The following MACROD2 variants were observed in gnomAD, a reference collection of about 807,000 sequenced individuals.
MACROD2 encodes the protein mono-ADP ribosylhydrolase 2.
In MACROD2, 36 loss-of-function variants were observed where a neutral mutation model predicts 70.4. The observed-to-expected ratio is 0.51, with a 90% CI of 0.39 to 0.68. The LOEUF is 0.68. Among genes scored for constraint, MACROD2 ranks in the 30% least tolerant of loss-of-function variants. The probability of loss-of-function intolerance (pLI) is 0.00; values close to 1 mark genes in which losing one functional copy is unlikely to be tolerated. For missense variants in MACROD2, 496 were observed against 538.4 expected, an observed-to-expected ratio of 0.92 and a Z score of 0.78; for synonymous variants, 172 against 178.8, an observed-to-expected ratio of 0.96 and a Z score of 0.30.
chr20:15,812,539 G>T (rs1342268186), intron 8 of MACROD2, among the ~76,000 whole-genome samples: 2 of 151,448 alleles, frequency 1.3e-5, no homozygotes, highest in Non-Finnish European at 2.9e-5. Context: ...ACAGGAAAAG[G>T]GAATCCAGTT....
At chr20:14,317,461 A>G (rs1001985495) in intron 3 of MACROD2, among the ~76,000 whole-genome samples, 5 of 151,976 alleles carry the variant, frequency 3.3e-5, no homozygotes, top group Non-Finnish European at 7.4e-5. Context: ...CTAAAAACAC[A>G]AAAAATTAGC....
chr20:14,654,414 T>G (rs1985860936), intron 4 of MACROD2, among the ~76,000 whole-genome samples: 1 of 151,584 alleles, frequency 6.6e-6, no homozygotes, highest in African/African-American at 2.4e-5. Flanking sequence ...GGTATGGTGG[T>G]GGGTGCCTGT....
At chr20:14,181,080 T>G (rs184732070) in intron 3 of MACROD2, among the ~76,000 whole-genome samples, 1 of 151,920 alleles carries the variant, frequency 6.6e-6, no homozygotes. Flanking sequence ...TTTTTTTTTT[T>G]TTTTAGACAG....
intron 7 of MACROD2, among the ~76,000 whole-genome samples, chr20:15,440,244 GACGTGGCATATGTAGAGAGGAAGGAATT>G (rs1473952275): frequency 1.3e-5 from 2 of 152,192 alleles, no homozygotes; most frequent in Admixed American, 6.5e-5. Flanking sequence ...TTCCAGGTAT[GACGTGGCATATGTAGAGAGGAAGGAATT>G]TCAGACATTG....
chr20:14,725,717 G>A (rs2071521293), intron 5 of MACROD2, among the ~76,000 whole-genome samples: 1 of 152,090 alleles, frequency 6.6e-6, no homozygotes, highest in African/African-American at 2.4e-5. Flanking sequence ...TGACCGCTGG[G>A]AAACAATATA....
At chr20:15,304,838 TA>T (rs1462480227) in intron 6 of MACROD2, among the ~76,000 whole-genome samples, 1 of 152,224 alleles carries the variant, frequency 6.6e-6, no homozygotes, top group African/African-American at 2.4e-5. Context: ...GCATCAGGAA[TA>T]AAAACTTCCA....
intron 3 of MACROD2, among the ~76,000 whole-genome samples, chr20:14,403,838 C>A (rs978084750): frequency 7.9e-5 from 12 of 152,000 alleles, no homozygotes; most frequent in Non-Finnish European, 1.8e-4. Context: ...AAAGCTCTAG[C>A]AAATATGAGC....
chr20:14,538,350 C>T (rs1568660121), intron 4 of MACROD2, among the ~76,000 whole-genome samples: 1 of 152,192 alleles, frequency 6.6e-6, no homozygotes, highest in South Asian at 2.1e-4. Context: ...AAGGCTGGAG[C>T]AATGGAGGAG....
chr20:15,996,803 CTA>C lies in MACROD2; in HGVS notation c.1153+9647_1153+9648del, dbSNP rs1469021535. ...AAGACCAACATTGAGAAGTTTTTTCCTATGTCTTTTATGTGAGTTTTATGGTT... is the reference window on the plus strand; with the variant it reads ...AAGACCAACATTGAGAAGTTTTTTCCTGTCTTTTATGTGAGTTTTATGGTT... On this transcript the variant is annotated intron_variant, in intron 15 of 17. Transcript: ENST00000684519. Among the ~76,000 whole-genome samples, 4 of 152,054 alleles carry C rather than the reference CTA, an allele frequency of 2.6e-5. No homozygotes were observed. In the South Asian group the frequency reaches 6.2e-4, roughly 24 times the overall value.
In MACROD2 at chr20:15,574,642, G is replaced by C. The variant is rs541359070; in HGVS notation, c.645+74795G>C. ...GCCTCAGGGCAATCCAAATCATACA[G>C]GGCTTGGACTTCATTGCATCAATTC... is the stretch of plus-strand genomic sequence containing the variant. On this transcript the variant is annotated intron_variant, in intron 8 of 17. Transcript: ENST00000684519. Among the ~76,000 whole-genome samples, 28 of 152,184 alleles carry C rather than the reference G, an allele frequency of 1.8e-4. No homozygotes were observed. In the East Asian group the frequency reaches 5.2e-3, roughly 28 times the overall value.
chr20:15,256,119 A>T (rs1371665982), intron 6 of MACROD2, among the ~76,000 whole-genome samples: 1 of 152,138 alleles, frequency 6.6e-6, no homozygotes, highest in African/African-American at 2.4e-5. Flanking sequence ...GGAATCTTGA[A>T]TTTATAAATC....
Position 14,882,056 on chromosome 20 carries a change from C to G in MACROD2, c.418+197097C>G, listed in dbSNP as rs142321808. On this transcript the variant is annotated intron_variant, in intron 5 of 17. Coordinates refer to ENST00000684519, the MANE Select transcript of MACROD2 (RefSeq NM_001351661.2). ...GCACAGAAATGTCAAGTCACATGAA[C>G]AAATCCCTACAGGAACCATCTTTAA... 4.1e-4 allele frequency among the ~76,000 whole-genome samples: 62 copies of G among 152,284 alleles called. No individual in the cohort carries two copies. In the East Asian group the frequency reaches 0.011, roughly 26 times the overall value.
intron 5 of MACROD2, among the ~76,000 whole-genome samples, chr20:14,830,969 C>T (rs903732707): frequency 1.3e-5 from 2 of 152,062 alleles, no homozygotes; most frequent in African/African-American, 4.8e-5. Flanking sequence ...TAGTTCAAAT[C>T]GTTTTCTCTT....
intron 8 of MACROD2, among the ~76,000 whole-genome samples, chr20:15,646,623 A>T (rs2049548336): frequency 6.6e-6 from 1 of 152,142 alleles, no homozygotes; most frequent in Non-Finnish European, 1.5e-5. Flanking sequence ...GTATCGAGGG[A>T]GAGACCAGGT....
intron 8 of MACROD2, among the ~76,000 whole-genome samples, chr20:15,842,407 T>G (rs2064180986): frequency 6.6e-6 from 1 of 151,726 alleles, no homozygotes; most frequent in Admixed American, 6.6e-5. Flanking sequence ...ATGATGTATT[T>G]GCAGTCAGGA....
At chr20:14,534,457 G>A (rs569459746) in intron 4 of MACROD2, among the ~76,000 whole-genome samples, 1 of 152,086 alleles carries the variant, frequency 6.6e-6, no homozygotes, top group Non-Finnish European at 1.5e-5. Context: ...TATAAAAATT[G>A]CCTTAAATAT....
At chr20:14,060,279 A>C (rs374531250) in intron 2 of MACROD2, among the ~76,000 whole-genome samples, 4 of 152,176 alleles carry the variant, frequency 2.6e-5, no homozygotes, top group African/African-American at 7.2e-5. Flanking sequence ...TATGTGGTCC[A>C]AGCCACTTCG....
intron 3 of MACROD2, among the ~76,000 whole-genome samples, chr20:14,485,511 C>G (rs898983449): frequency 6.6e-6 from 1 of 151,954 alleles, no homozygotes; most frequent in Non-Finnish European, 1.5e-5. Flanking sequence ...ATCATCCTGG[C>G]TAACACGGTG....
At chr20:15,851,240 C>T (rs905901194) in intron 8 of MACROD2, among the ~76,000 whole-genome samples, 5 of 151,456 alleles carry the variant, frequency 3.3e-5, no homozygotes, top group South Asian at 4.3e-4. Flanking sequence ...AACTGTGATC[C>T]GGTCACAGCA....
Sources: gnomAD v4.1 joint callset for allele counts (sites outside exome capture counted in the v4.1 genomes callset) on GRCh38, gnomAD v4.1.1 for gene constraint, MANE v1.5 for transcripts, NCBI Gene and HGNC (gene_info 2026-07-23, HGNC 2026-07-21) for gene names.